KAT14: variants seen among roughly 807,000 people sequenced by gnomAD.
The protein encoded by KAT14 is cysteine-rich protein 2-binding protein.
KAT14 carries 66 observed loss-of-function variants against 78.4 expected under a neutral mutation model. The ratio of observed to expected loss-of-function variants is 0.84; its 90% CI spans 0.69 to 1.03. The LOEUF (loss-of-function observed/expected upper bound fraction) is 1.03, where lower values mean the gene tolerates loss of function less well. KAT14 is among the 50% of genes least tolerant of loss of function. The pLI is 0.00. For synonymous variants in KAT14, 344 were observed against 359.4 expected, an observed-to-expected ratio of 0.96 and a Z score of 0.48; for missense variants, 870 against 972.5, an observed-to-expected ratio of 0.89 and a Z score of 1.40.
chr20:18,174,105 T>G (rs1393325037), intron 7 of KAT14, among the ~76,000 whole-genome samples: 2 of 152,248 alleles, frequency 1.3e-5, no homozygotes, highest in African/African-American at 4.8e-5. Flanking sequence ...TTTCTTTCAC[T>G]TAGCATAATG....
chr20:18,151,617 C>T (rs1319539022), intron 4 of KAT14, among the ~76,000 whole-genome samples: 4 of 152,030 alleles, frequency 2.6e-5, no homozygotes, highest in African/African-American at 9.7e-5. Context: ...TGTGAATCAC[C>T]GTTCCTTACC....
intron 3 of KAT14, among the ~76,000 whole-genome samples, chr20:18,146,001 A>C (rs1227033326): frequency 6.6e-6 from 1 of 152,230 alleles, no homozygotes; most frequent in Admixed American, 6.5e-5. Flanking sequence ...GACTGATTGC[A>C]AAAACCAACA....
At chr20:18,160,785 G>A (rs149426500) in intron 5 of KAT14, among the ~76,000 whole-genome samples, 1 of 152,046 alleles carries the variant, frequency 6.6e-6, no homozygotes, top group Non-Finnish European at 1.5e-5. Flanking sequence ...CTACAAATTT[G>A]TGTACATGTG....
intron 7 of KAT14, among the ~76,000 whole-genome samples, chr20:18,176,005 CAAAAA>C (rs35353769): frequency 9.4e-6 from 1 of 106,180 alleles, no homozygotes; most frequent in Non-Finnish European, 1.8e-5. Context: ...GAGACTGTCT[CAAAAA>C]AAAAAAAAAA....
chr20:18,143,990 A>G (rs1408344642), intron 2 of KAT14, among the ~76,000 whole-genome samples: 5 of 152,236 alleles, frequency 3.3e-5, no homozygotes, highest in Admixed American at 1.3e-4. Flanking sequence ...CTTGCCAGCC[A>G]TCATATGGTT....
chr20:18,166,225 C>T (rs142668790), intron 7 of KAT14, among the ~76,000 whole-genome samples: 3 of 152,306 alleles, frequency 2.0e-5, no homozygotes, highest in East Asian at 3.9e-4. Context: ...TTATCCCTTA[C>T]GCACTTGGGT....
chr20:18,150,205 C>A (rs1379269514), intron 3 of KAT14, among the ~76,000 whole-genome samples: 2 of 152,106 alleles, frequency 1.3e-5, no homozygotes, highest in Admixed American at 1.3e-4. Context: ...TTTCAGTTCC[C>A]TGTTTCTTCT....
At chr20:18,158,889 G>T (rs1297581710) in intron 4 of KAT14, among the ~76,000 whole-genome samples, 195 bp from the exon 5 acceptor site, 1 of 152,114 alleles carries the variant, frequency 6.6e-6, no homozygotes, top group Non-Finnish European at 1.5e-5. Context: ...ACAAACCGAG[G>T]CTGCTAGAAG....
chr20:18,141,790 C>CGGA (rs2037595787), intron 1 of KAT14, among the ~76,000 whole-genome samples: 1 of 152,036 alleles, frequency 6.6e-6, no homozygotes, highest in Non-Finnish European at 1.5e-5. Context: ...AGGCTGAGGC[C>CGGA]GGAGAATCAC....
intron 7 of KAT14, among the ~76,000 whole-genome samples, chr20:18,165,919 G>A (rs1363884468): frequency 6.6e-6 from 1 of 152,130 alleles, no homozygotes; most frequent in Non-Finnish European, 1.5e-5. Context: ...CATGGGTGGT[G>A]TACAGGAGGC....
chr20:18,152,803 TG>T (rs2038096149), intron 4 of KAT14, among the ~76,000 whole-genome samples: 1 of 152,276 alleles, frequency 6.6e-6, no homozygotes, highest in South Asian at 2.1e-4. Context: ...CATCTGCATG[TG>T]GCTTGTTCAT....
At chr20:18,138,502 A>G (rs540253110) in intron 1 of KAT14, 2 of 974,498 alleles carry the variant, frequency 2.1e-6, no homozygotes, top group Non-Finnish European at 2.4e-6. Context: ...CTCCTGGCCC[A>G]AGGTTGGGGT....
At chr20:18,185,176 A>T (rs913710667) in intron 10 of KAT14, among the ~76,000 whole-genome samples, 1 of 152,174 alleles carries the variant, frequency 6.6e-6, no homozygotes, top group African/African-American at 2.4e-5. Flanking sequence ...TTATTTTTTT[A>T]AATATTTGTA....
chr20:18,172,726 A>G (rs996610490), intron 7 of KAT14, among the ~76,000 whole-genome samples: 9 of 152,186 alleles, frequency 5.9e-5, no homozygotes, highest in East Asian at 1.9e-4. Context: ...CATCTTTGCC[A>G]TATCTCAGTC....
intron 4 of KAT14, among the ~76,000 whole-genome samples, chr20:18,153,206 G>C (rs1250329698): frequency 6.6e-6 from 1 of 152,180 alleles, no homozygotes; most frequent in Non-Finnish European, 1.5e-5. Context: ...CTTTGCTCAT[G>C]TTACTGAGAG....
In KAT14 at chr20:18,150,739, A is replaced by G. The variant is rs2038002227; in HGVS notation, c.379-82A>G. 6.3e-6 allele frequency: 10 copies of G among 1,589,428 alleles called. No individual in the cohort carries two copies. In the South Asian group the frequency reaches 1.0e-4, roughly 16 times the overall value. ...CCCCACCATTCCTACTCAGAATATA[A>G]AACAGAAGAAGCTTTTCCCCCCTCA... On this transcript the variant is annotated intron_variant, in intron 3 of 10. Transcript: ENST00000688188.
At position 18,162,472 on chromosome 20, in the gene KAT14, G is replaced by T. The variant is rs1422721600; in HGVS notation, c.1195G>T (p.Val399Phe). Residue 399 changes from valine to phenylalanine, a missense_variant, in exon 7 of 11, where the codon GTC (valine) becomes TTC (phenylalanine). By Grantham distance (50) the Val-to-Phe change is conservative (BLOSUM62 -1). Coordinates refer to ENST00000688188, the MANE Select transcript of KAT14 (RefSeq NM_001392073.1). The part of the protein sequence containing the change: ...GSVASGPVVG[V>F]RKKVRGPEQI... Reference sequence around the variant, plus strand: ...AGTAGCTTCTGGGCCAGTGGTTGGGGTCAGAAAGAAGGTCAGAGGCCCTGA... The same window carrying T: ...AGTAGCTTCTGGGCCAGTGGTTGGGTTCAGAAAGAAGGTCAGAGGCCCTGA... The T allele has an allele frequency of 6.2e-7, 1 of 1,614,078 alleles. No homozygotes were observed. The highest frequency in any genetic ancestry group is 8.5e-7 in the Non-Finnish European group (1 of 1,180,018).
chr20:18,171,386 A>G (rs1337060374), intron 7 of KAT14, among the ~76,000 whole-genome samples: 2 of 152,262 alleles, frequency 1.3e-5, no homozygotes, highest in Non-Finnish European at 2.9e-5. Context: ...TACTCCTGCT[A>G]AAGATGCTAT....
chr20:18,162,679 A>G lies in KAT14; in HGVS notation c.1402A>G (p.Lys468Glu). The G allele has an allele frequency of 6.2e-7, 1 of 1,614,218 alleles. No homozygotes were observed. The highest frequency in any genetic ancestry group is 1.1e-5 in the South Asian group (1 of 91,086). ...TACTCCCGTGAGCATCTACGAGGAA[A>G]AGCTGCTGCTCAAGAGGCTGGAAGC... ...RYTPVSIYEEKLLLKRLEACP... is the reference protein window; with the variant it reads ...RYTPVSIYEEELLLKRLEACP... The change falls in exon 7 of 11, where the codon AAG (lysine) becomes GAG (glutamate). Residue 468 changes from lysine to glutamate, a missense_variant. Coordinates refer to ENST00000688188, the MANE Select transcript of KAT14 (RefSeq NM_001392073.1).
Sources: gnomAD v4.1 joint callset for allele counts (sites outside exome capture counted in the v4.1 genomes callset) on GRCh38, gnomAD v4.1.1 for gene constraint, MANE v1.5 for transcripts, NCBI Gene and HGNC (gene_info 2026-07-23, HGNC 2026-07-21) for gene names.